CHID1: variants seen among roughly 807,000 people sequenced by gnomAD.
CHID1 encodes chitinase domain-containing protein 1.
A neutral mutation model predicts 55.4 loss-of-function variants in CHID1; 44 were observed. That is an observed-to-expected ratio of 0.79 (90% CI 0.62 to 1.02). CHID1 has a LOEUF of 1.02. Among genes scored for constraint, CHID1 ranks in the 50% least tolerant of loss-of-function variants. The pLI, the probability that CHID1 is intolerant of heterozygous loss-of-function variation, is 0.00. For missense variants in CHID1, 491 were observed against 515.3 expected, an observed-to-expected ratio of 0.95 and a Z score of 0.46; for synonymous variants, 216 against 212.9, an observed-to-expected ratio of 1.01 and a Z score of -0.13.
intron 8 of CHID1, among the ~76,000 whole-genome samples, chr11:885,132 G>A (rs1589845187): frequency 6.6e-6 from 1 of 152,336 alleles, no homozygotes. Flanking sequence ...GGGGGTCCCT[G>A]TGAGGCAGTG....
chr11:908,046 C>T (rs1356184094), intron 1 of CHID1, among the ~76,000 whole-genome samples: 1 of 152,192 alleles, frequency 6.6e-6, no homozygotes, highest in Non-Finnish European at 1.5e-5. Flanking sequence ...TGGCTACCCC[C>T]AGGCAGGGAG....
chr11:883,878 C>T (rs1211673660), intron 9 of CHID1, among the ~76,000 whole-genome samples, 190 bp downstream of exon 9: 2 of 152,246 alleles, frequency 1.3e-5, no homozygotes, highest in East Asian at 3.8e-4. Context: ...CCCACGTGAC[C>T]ACCACAGGGC....
chr11:887,783 A>T (rs1268358675), intron 8 of CHID1, among the ~76,000 whole-genome samples: 1 of 151,444 alleles, frequency 6.6e-6, no homozygotes, highest in African/African-American at 2.4e-5. Flanking sequence ...CCTCCCCCAC[A>T]TCCACGGTGC....
intron 7 of CHID1, among the ~76,000 whole-genome samples, chr11:895,366 T>C (rs1229649191): frequency 2.0e-5 from 3 of 152,124 alleles, no homozygotes; most frequent in African/African-American, 7.2e-5. Context: ...AGGCTCACGG[T>C]GTGGCCCAGA....
rs1385725743 is a variant in CHID1, at chr11:893,517, C to T, written c.611G>A (p.Gly204Asp). 2 of 1,548,252 alleles carry T rather than the reference C, an allele frequency of 1.3e-6. No individual in the cohort carries two copies. Among genetic ancestry groups the T allele is most frequent in the African/African-American group, 1.4e-5 (1 of 73,202 alleles). ...CAAGTGGGTGAGCATGTGGATGAGGCCCCTGCAAGAACCGAGAGATGGGGT... is the reference window on the plus strand; with the variant it reads ...CAAGTGGGTGAGCATGTGGATGAGGTCCCTGCAAGAACCGAGAGATGGGGT... ...WNQLLSQKRV[G>D]LIHMLTHLAE... Residue 204 changes from glycine to aspartate, a missense_variant and splice_region_variant, in exon 8 of 13, where the codon GGC becomes GAC. Coordinates refer to ENST00000323578, the MANE Select transcript of CHID1 (RefSeq NM_023947.4).
At chr11:899,459 A>C in intron 6 of CHID1, 58 bp from the exon 7 acceptor site, 1 of 1,504,952 alleles carries the variant, frequency 6.6e-7, no homozygotes, top group Non-Finnish European at 9.1e-7. Flanking sequence ...ATGGGTGGAA[A>C]GACAAGAAGC....
In CHID1 at chr11:892,648, C is replaced by T. The variant is rs577766587; in HGVS notation, c.701+779G>A. ...GAACCTGGCCACGACAGCAGGACCACGGGCACAGGTCTGAAACCTGGTCTG... is the reference window on the plus strand; with the variant it reads ...GAACCTGGCCACGACAGCAGGACCATGGGCACAGGTCTGAAACCTGGTCTG... On this transcript the variant is annotated intron_variant, in intron 8 of 12. Transcript: ENST00000323578. 2.6e-3 allele frequency among the ~76,000 whole-genome samples: 401 copies of T among 152,338 alleles called. 5 individuals carry two copies. Among genetic ancestry groups the T allele is most frequent in the Middle Eastern group, 0.02 (6 of 294 alleles).
intron 7 of CHID1, 40 bp from the exon 8 acceptor site, chr11:893,559 T>C: frequency 6.8e-7 from 1 of 1,466,264 alleles, no homozygotes; most frequent in African/African-American, 1.4e-5. Flanking sequence ...TGCCTGGCAC[T>C]GAGGCCTCTC....
At position 883,394 on chromosome 11, in the gene CHID1, C is replaced by T. The variant is rs111293371; in HGVS notation, c.804-91G>A. 4.9e-3 allele frequency: 6,482 copies of T among 1,325,300 alleles called. 273 individuals are homozygous for T. The African/African-American group carries it at 0.084, about 17-fold the overall frequency. The allele number at this position is 1,325,300 out of a possible 1,614,324, so 82.1% of individuals were successfully genotyped here. ...GCCCTCCACTGAGGGGTGCATCCTCCCCATGCTGCGGCTGACACCTCTAGA... is the reference window on the plus strand; with the variant it reads ...GCCCTCCACTGAGGGGTGCATCCTCTCCATGCTGCGGCTGACACCTCTAGA... On this transcript the variant is annotated intron_variant, in intron 9 of 12. Transcript: ENST00000323578.
chr11:904,581 G>A (rs868727144), intron 2 of CHID1, 125 bp downstream of exon 2: 2 of 1,109,472 alleles, frequency 1.8e-6, no homozygotes, highest in South Asian at 2.9e-5. Flanking sequence ...GGCTCATCAG[G>A]TGCCTTTGTG....
chr11:885,474 A>G (rs1714156284), intron 8 of CHID1, among the ~76,000 whole-genome samples: 1 of 146,694 alleles, frequency 6.8e-6, no homozygotes, highest in East Asian at 1.9e-4. Flanking sequence ...TGGTCCCCTC[A>G]GCCCCGACCT....
In CHID1 at chr11:905,691, G is replaced by A. The variant is rs566478663; in HGVS notation, c.-43-832C>T. 4.0e-5 allele frequency among the ~76,000 whole-genome samples: 6 copies of A among 151,770 alleles called. No homozygotes were observed. The East Asian group carries it at 7.8e-4, about 20-fold the overall frequency. ...CTCAAAAAAAAAAAAGAAAAAAATC[G>A]TAGGCTCAGAGAAGCCTACGATAAT... On this transcript the variant is annotated intron_variant, in intron 1 of 12. Coordinates refer to ENST00000323578, the MANE Select transcript of CHID1 (RefSeq NM_023947.4).
chr11:879,298 C>T (rs1044325038), intron 10 of CHID1, among the ~76,000 whole-genome samples: 3 of 152,204 alleles, frequency 2.0e-5, no homozygotes, highest in African/African-American at 7.2e-5. Flanking sequence ...TGGCCTTGAA[C>T]TCCTGGGCTC....
At chr11:898,400 T>C (rs1851541539) in intron 7 of CHID1, among the ~76,000 whole-genome samples, 2 of 152,166 alleles carry the variant, frequency 1.3e-5, no homozygotes, top group East Asian at 1.9e-4. Context: ...CACAGAAGGC[T>C]GAAGGGCTGG....
intron 8 of CHID1, among the ~76,000 whole-genome samples, chr11:892,058 T>A (rs1349587366): frequency 6.6e-6 from 1 of 150,602 alleles, no homozygotes; most frequent in Non-Finnish European, 1.5e-5. Context: ...GAGGTTGCAG[T>A]GAGATAAGAT....
At chr11:889,134 G>C (rs777721803) in intron 8 of CHID1, among the ~76,000 whole-genome samples, 4 of 152,160 alleles carry the variant, frequency 2.6e-5, no homozygotes, top group Non-Finnish European at 4.4e-5. Flanking sequence ...AGCTGCCAGA[G>C]GCCGGGGCGG....
At chr11:898,236 C>A (rs1565193465) in intron 7 of CHID1, among the ~76,000 whole-genome samples, 2 of 152,222 alleles carry the variant, frequency 1.3e-5, no homozygotes. Flanking sequence ...CCTGGACCTG[C>A]AGCTCCTTTG....
chr11:873,901 G>T (rs1849332982), intron 10 of CHID1, among the ~76,000 whole-genome samples: 1 of 152,022 alleles, frequency 6.6e-6, no homozygotes, highest in Non-Finnish European at 1.5e-5. Context: ...AGCCAAACAG[G>T]ATATACACAC....
intron 1 of CHID1, among the ~76,000 whole-genome samples, chr11:906,560 G>A (rs537265140): frequency 1.3e-5 from 2 of 152,220 alleles, no homozygotes; most frequent in South Asian, 4.2e-4. Context: ...GATGTTCATG[G>A]ACCTGGCTCT....
Sources: allele counts gnomAD v4.1 joint callset (sites outside exome capture counted in the v4.1 genomes callset), GRCh38; gene constraint gnomAD v4.1.1; transcripts MANE v1.5; gene names NCBI Gene and HGNC (gene_info 2026-07-23, HGNC 2026-07-21).